CNRIP1: variants seen among roughly 807,000 people sequenced by gnomAD.
CNRIP1 encodes the protein CB1 cannabinoid receptor-interacting protein 1.
CNRIP1 carries 10 observed loss-of-function variants against 15.2 expected under a neutral mutation model. The observed-to-expected ratio is 0.66, with a 90% confidence interval of 0.41 to 1.12. CNRIP1 has a LOEUF of 1.12. Ranked by LOEUF, CNRIP1 falls within the 50% of genes most tolerant of loss-of-function variation. The pLI, the probability that CNRIP1 is intolerant of heterozygous loss-of-function variation, is 0.00. For synonymous variants in CNRIP1, 91 were observed against 83.2 expected (o/e 1.09, Z -0.51); for missense variants, 211 against 214.7 (o/e 0.98, Z 0.11).
intron 2 of CNRIP1, among the ~76,000 whole-genome samples, chr2:68,310,101 G>T (rs911888153): frequency 6.6e-6 from 1 of 152,166 alleles, no homozygotes; most frequent in Non-Finnish European, 1.5e-5. Flanking sequence ...GCCGAGGCAG[G>T]TGGATCACTT....
At chr2:68,304,277 T>TA (rs910177062) in intron 2 of CNRIP1, among the ~76,000 whole-genome samples, 7 of 149,862 alleles carry the variant, frequency 4.7e-5, no homozygotes, top group East Asian at 2.0e-4. Flanking sequence ...GGTGGGTGCC[T>TA]ATAATCCCAG....
At chr2:68,311,300 A>G (rs1275208167) in intron 2 of CNRIP1, among the ~76,000 whole-genome samples, 1 of 152,160 alleles carries the variant, frequency 6.6e-6, no homozygotes, top group African/African-American at 2.4e-5. Context: ...ATTATACTTA[A>G]GTTAAAATAT....
downstream of CNRIP1, among the ~76,000 whole-genome samples, chr2:68,290,988 A>G (rs919013498): frequency 2.2e-4 from 33 of 152,180 alleles, no homozygotes; most frequent in African/African-American, 7.5e-4. Flanking sequence ...TACAACTTGT[A>G]TAAAAATAGC....
intron 2 of CNRIP1, among the ~76,000 whole-genome samples, chr2:68,300,490 G>A (rs1010348897): frequency 6.6e-6 from 1 of 152,052 alleles, no homozygotes; most frequent in Non-Finnish European, 1.5e-5. Context: ...GGTGGTGGGT[G>A]CCTGTAATCC....
At chr2:68,299,469 C>A (rs1247383486) in intron 2 of CNRIP1, among the ~76,000 whole-genome samples, 1 of 152,120 alleles carries the variant, frequency 6.6e-6, no homozygotes, top group East Asian at 1.9e-4. Context: ...GAAAGATGAT[C>A]TCTTCTTCTG....
intron 2 of CNRIP1, among the ~76,000 whole-genome samples, chr2:68,296,724 G>A (rs1031150486): frequency 6.6e-6 from 1 of 152,088 alleles, no homozygotes; most frequent in African/African-American, 2.4e-5. Context: ...TGCAACCTCT[G>A]CTGCCCGGGT....
intron 2 of CNRIP1, among the ~76,000 whole-genome samples, chr2:68,315,062 T>C (rs1002954257): frequency 9.2e-5 from 14 of 152,048 alleles, no homozygotes; most frequent in African/African-American, 3.4e-4. Context: ...ACAAAATTTA[T>C]ATTTTATATT....
downstream of CNRIP1, chr2:68,292,920 T>C: frequency 1.6e-6 from 1 of 624,476 alleles, no homozygotes; most frequent in Non-Finnish European, 2.0e-6. Context: ...CCCGTCATCC[T>C]GTAGCATACA....
At chr2:68,290,024 C>CTTTTT (rs35429690), downstream of CNRIP1, among the ~76,000 whole-genome samples, 16 of 89,644 alleles carry the variant, frequency 1.8e-4, no homozygotes, top group Admixed American at 2.9e-4. Flanking sequence ...AGAATCTGAA[C>CTTTTT]TTTTTTTTTT....
rs118051949 is a variant in CNRIP1 at position 68,318,403 on chromosome 2, A to G, written c.179+819T>C. 5.9e-5 allele frequency among the ~76,000 whole-genome samples: 9 copies of G among 152,242 alleles called. No homozygotes were observed. The East Asian group carries it at 9.7e-4, about 16-fold the overall frequency. ...TAGAAACGAGAGGTAAAGGGGCTCC[A>G]CCCGCAGTTCTTCCGGGTAGGCTAC... On this transcript the variant is annotated intron_variant, in intron 1 of 2. Transcript: ENST00000263655.
chr2:68,308,605 C>T (rs1269045462), intron 2 of CNRIP1, among the ~76,000 whole-genome samples: 17 of 151,822 alleles, frequency 1.1e-4, no homozygotes, highest in Admixed American at 1.0e-3. Flanking sequence ...TATCATTTTA[C>T]AAAGAATTTA....
At chr2:68,306,059 A>G (rs548359934) in intron 2 of CNRIP1, among the ~76,000 whole-genome samples, 1 of 139,722 alleles carries the variant, frequency 7.2e-6, no homozygotes, top group South Asian at 2.4e-4. Context: ...GCCAGAGGTC[A>G]AGGCTGCAGT....
intron 2 of CNRIP1, among the ~76,000 whole-genome samples, chr2:68,309,861 C>T (rs1672008825): frequency 6.6e-6 from 1 of 152,194 alleles, no homozygotes; most frequent in African/African-American, 2.4e-5. Context: ...GGACACCCTA[C>T]AGGGGCCATT....
At chr2:68,305,793 CAA>C (rs549415627) in intron 2 of CNRIP1, among the ~76,000 whole-genome samples, 47 of 94,156 alleles carry the variant, frequency 5.0e-4, no homozygotes, top group African/African-American at 1.4e-3. Flanking sequence ...AAGACTCTTC[CAA>C]AAAAAAAAAA....
chr2:68,291,709 T>C (rs749726388), downstream of CNRIP1, among the ~76,000 whole-genome samples: 9 of 152,014 alleles, frequency 5.9e-5, no homozygotes, highest in South Asian at 1.9e-3. Context: ...TGAAACCCCA[T>C]CTCTACTAAA....
rs768071705 is a variant in CNRIP1 at position 68,293,899 on chromosome 2, C to T, written c.458G>A (p.Arg153His). The T allele has an allele frequency of 1.4e-5, 23 of 1,613,862 alleles. No homozygotes were observed. Among genetic ancestry groups the T allele is most frequent in the Admixed American group, 3.3e-5 (2 of 59,988 alleles). Residue 153 changes from arginine to histidine, a missense_variant, in exon 3 of 3, where the codon CGC (arginine) becomes CAC (histidine). By Grantham distance (29) the Arg-to-His change is conservative. Transcript: ENST00000263655. The part of the protein sequence containing the change: ...IEYECKPNET[R>H]SLMWVNKESF... Reference sequence around the variant, plus strand: ...CTCCTTGTTCACCCACATCAGACTGCGTGTCTCGTTGGGCTTGCATTCATA... The same window carrying T: ...CTCCTTGTTCACCCACATCAGACTGTGTGTCTCGTTGGGCTTGCATTCATA...
At chr2:68,291,256 C>T (rs1671160747), downstream of CNRIP1, among the ~76,000 whole-genome samples, 1 of 152,122 alleles carries the variant, frequency 6.6e-6, no homozygotes, top group African/African-American at 2.4e-5. Flanking sequence ...GAAACACATA[C>T]ACATACGACA....
intron 2 of CNRIP1, among the ~76,000 whole-genome samples, chr2:68,305,600 C>T (rs1334912682): frequency 6.7e-6 from 1 of 149,400 alleles, no homozygotes; most frequent in Non-Finnish European, 1.5e-5. Context: ...TTGAGACCAT[C>T]CTGGCTAACA....
chr2:68,319,316 C>T lies in CNRIP1; in HGVS notation c.85G>A (p.Gly29Arg), dbSNP rs1366748843. Residue 29 changes from glycine to arginine, a missense_variant, in exon 1 of 3, where the codon GGG (glycine) becomes AGG (arginine). Coordinates refer to ENST00000263655, the MANE Select transcript of CNRIP1 (RefSeq NM_015463.3). ...NDGPVFYKVD[G>R]QRFGQNRTIK... ...GTGCGGTTCTGGCCGAAGCGCTGCC[C>T]GTCCACCTTGTAAAAGACCGGGCCG... 3 of 1,560,814 alleles carry T rather than the reference C, an allele frequency of 1.9e-6. No homozygotes were observed. Among genetic ancestry groups the T allele is most frequent in the East Asian group, 2.4e-5 (1 of 42,152 alleles).
Sources: allele counts gnomAD v4.1 joint callset (sites outside exome capture counted in the v4.1 genomes callset), GRCh38; gene constraint gnomAD v4.1.1; transcripts MANE v1.5; gene names NCBI Gene and HGNC (gene_info 2026-07-23, HGNC 2026-07-21).